Variants in FAM185A observed in about 807,000 individuals in gnomAD.
The protein encoded by FAM185A is family with sequence similarity 185 member A, also known as protein FAM185A.
In FAM185A, 21 loss-of-function variants were observed where a neutral mutation model predicts 45.7. That is an observed-to-expected ratio of 0.46 (90% CI 0.33 to 0.66). FAM185A has a LOEUF of 0.66. FAM185A is among the 30% of genes least tolerant of loss of function. FAM185A has a pLI of 0.03. For missense variants in FAM185A, 305 were observed against 485.4 expected (o/e 0.63, Z 3.49); for synonymous variants, 117 against 194.0 (o/e 0.60, Z 3.30).
At chr7:102,764,991 G>T (rs1488800381) in intron 4 of FAM185A, among the ~76,000 whole-genome samples, 1 of 152,262 alleles carries the variant, frequency 6.6e-6, no homozygotes, top group Non-Finnish European at 1.5e-5. Flanking sequence ...ACCTAAATTG[G>T]CCAGCCCCTT....
At chr7:102,823,746 T>G in the FAM185A span, among the ~76,000 whole-genome samples, 1 of 152,378 alleles carries the variant, frequency 6.6e-6, no homozygotes, top group Non-Finnish European at 1.5e-5. Context: ...GGCTCTTGTT[T>G]TAACATAAAG....
chr7:102,791,081 T>G (rs1232308692), intron 7 of FAM185A, among the ~76,000 whole-genome samples: 1 of 152,160 alleles, frequency 6.6e-6, no homozygotes, highest in African/African-American at 2.4e-5. Flanking sequence ...GGCCAAAGTA[T>G]AGAGAGTAAA....
the FAM185A span, among the ~76,000 whole-genome samples, chr7:102,818,107 T>C: frequency 6.6e-6 from 1 of 152,220 alleles, no homozygotes; most frequent in East Asian, 1.9e-4. Context: ...TTCTAATCTC[T>C]TGAGTAGGCA....
intron 4 of FAM185A, among the ~76,000 whole-genome samples, chr7:102,766,788 T>TTTTTG (rs1220721631): frequency 2.0e-5 from 3 of 151,736 alleles, no homozygotes; most frequent in Non-Finnish European, 2.9e-5. Context: ...TTTTTTGTTT[T>TTTTTG]TTTTGTTTTG....
At chr7:102,758,459 T>TTTTTTTTTTA (rs1554364935) in intron 3 of FAM185A, among the ~76,000 whole-genome samples, 1 of 107,464 alleles carries the variant, frequency 9.3e-6, no homozygotes, top group African/African-American at 3.6e-5. Context: ...TTTTTTTTTT[T>TTTTTTTTTTA]ATAGTAGCTA....
At chr7:102,849,840 G>A in the FAM185A span, among the ~76,000 whole-genome samples, 1 of 151,958 alleles carries the variant, frequency 6.6e-6, no homozygotes, top group African/African-American at 2.4e-5. Flanking sequence ...AAAGCAGGGA[G>A]GAGAAAAAGA....
chr7:102,813,199 A>G, downstream of FAM185A: 1 of 762,012 alleles, frequency 1.3e-6, no homozygotes. Flanking sequence ...GTTTGGAAAT[A>G]TTTGTAGTTG....
the FAM185A span, among the ~76,000 whole-genome samples, chr7:102,837,560 G>A: frequency 6.6e-6 from 1 of 152,156 alleles, no homozygotes; most frequent in Admixed American, 6.5e-5. Context: ...ATTCTTATAA[G>A]CTTTTCTTTC....
chr7:102,786,808 C>T (rs1795829239), intron 6 of FAM185A, among the ~76,000 whole-genome samples: 1 of 146,662 alleles, frequency 6.8e-6, no homozygotes. Context: ...TGCACATGTA[C>T]CCTAAAACTT....
downstream of FAM185A, among the ~76,000 whole-genome samples, chr7:102,812,777 C>G (rs1401412066): frequency 6.7e-6 from 1 of 150,300 alleles, no homozygotes; most frequent in Non-Finnish European, 1.5e-5. Context: ...ATAATCTCAT[C>G]AAAACTATTG....
At chr7:102,774,264 T>C (rs1288385464) in intron 5 of FAM185A, among the ~76,000 whole-genome samples, 1 of 152,200 alleles carries the variant, frequency 6.6e-6, no homozygotes, top group Admixed American at 6.5e-5. Flanking sequence ...TATATGTAAA[T>C]ACAAATGATT....
downstream of FAM185A, among the ~76,000 whole-genome samples, chr7:102,811,617 G>A (rs995199849): frequency 2.0e-5 from 3 of 152,198 alleles, no homozygotes; most frequent in Non-Finnish European, 2.9e-5. Flanking sequence ...GTTTCTTACC[G>A]GGGTCTAACC....
the FAM185A span, among the ~76,000 whole-genome samples, chr7:102,843,642 C>T: frequency 2.0e-5 from 3 of 151,734 alleles, no homozygotes; most frequent in East Asian, 1.9e-4. Flanking sequence ...CAGACATGGT[C>T]GTGGGCACCT....
rs1797264404 is a variant in FAM185A, at chr7:102,808,543, T to C, written c.*141T>C. The C allele has an allele frequency of 9.7e-6, 6 of 621,722 alleles. No individual in the cohort carries two copies. In the Admixed American group the frequency reaches 1.7e-4, roughly 18 times the overall value. The allele number at this position is 621,722 out of a possible 1,614,324, so 38.5% of individuals were successfully genotyped here. A position where few individuals can be genotyped will look rare whatever the true frequency, so the allele number is the denominator to read the frequency against. On this transcript the variant is annotated 3_prime_UTR_variant, in exon 8 of 8. Coordinates refer to ENST00000413034, the MANE Select transcript of FAM185A (RefSeq NM_001145268.2). ...TGGTGAACTGTTTTGGGAGGCTTTT[T>C]CAAAATTTGTGCTTTGCTATTGTAT...
the FAM185A span, among the ~76,000 whole-genome samples, chr7:102,842,121 G>C: frequency 6.6e-6 from 1 of 152,222 alleles, no homozygotes. Context: ...ATATGGTCAA[G>C]AGACAAAAGA....
At chr7:102,752,130 G>A (rs1186618459) in intron 2 of FAM185A, among the ~76,000 whole-genome samples, 2 of 151,920 alleles carry the variant, frequency 1.3e-5, no homozygotes, top group South Asian at 2.1e-4. Context: ...TAAAGAGTAA[G>A]GAAGAATCTT....
the FAM185A span, among the ~76,000 whole-genome samples, chr7:102,831,519 G>T: frequency 2.1e-4 from 32 of 152,234 alleles, no homozygotes; most frequent in Non-Finnish European, 4.0e-4. Context: ...CCAGGCTTCT[G>T]TTTGGGGTGG....
intron 7 of FAM185A, among the ~76,000 whole-genome samples, chr7:102,798,800 T>G (rs911512188): frequency 6.6e-6 from 1 of 152,050 alleles, no homozygotes; most frequent in African/African-American, 2.4e-5. Context: ...CAGACTGGAG[T>G]GCAATGGCAC....
chr7:102,822,010 A>G, the FAM185A span: 1 of 1,610,740 alleles, frequency 6.2e-7, no homozygotes. Flanking sequence ...GTAGTTCTCA[A>G]AAGTTTGTCA....
Sources: gnomAD v4.1 joint callset for allele counts (sites outside exome capture counted in the v4.1 genomes callset) on GRCh38, gnomAD v4.1.1 for gene constraint, MANE v1.5 for transcripts, NCBI Gene and HGNC (gene_info 2026-07-23, HGNC 2026-07-21) for gene names.